The following ADAMTSL1 variants were observed in gnomAD, a reference collection of about 807,000 sequenced individuals.
ADAMTSL1 encodes the protein ADAMTS like 1.
In ADAMTSL1, 126 loss-of-function variants were observed where a neutral mutation model predicts 201.8. The ratio of observed to expected loss-of-function variants is 0.62; its 90% CI spans 0.54 to 0.72. ADAMTSL1 has a LOEUF of 0.72. Ranked by LOEUF, ADAMTSL1 falls within the 30% of genes least tolerant of loss-of-function variation. The probability of loss-of-function intolerance (pLI) is 0.00; values close to 1 mark genes in which losing one functional copy is unlikely to be tolerated. For missense variants in ADAMTSL1, 2,679 were observed against 2,277.8 expected (o/e 1.18, Z -3.59); for synonymous variants, 1,121 against 903.4 (o/e 1.24, Z -4.32).
At chr9:18,028,497 A>G (rs566208832) in intron 1 of ADAMTSL1, among the ~76,000 whole-genome samples, 1 of 152,188 alleles carries the variant, frequency 6.6e-6, no homozygotes, top group East Asian at 1.9e-4. Context: ...TGATAGCCTA[A>G]TGGGGTTCTC....
At chr9:18,591,215 T>C (rs1823893678) in intron 4 of ADAMTSL1, among the ~76,000 whole-genome samples, 1 of 152,330 alleles carries the variant, frequency 6.6e-6, no homozygotes, top group Admixed American at 6.5e-5. Context: ...GTTGGGTGCA[T>C]ATATATTTAC....
chr9:18,798,599 G>C (rs537504466), intron 20 of ADAMTSL1, among the ~76,000 whole-genome samples: 1 of 152,310 alleles, frequency 6.6e-6, no homozygotes, highest in African/African-American at 2.4e-5. Flanking sequence ...CTCTCTGAAT[G>C]TCTCAGTGTC....
chr9:18,054,254 T>G (rs566179495), intron 1 of ADAMTSL1, among the ~76,000 whole-genome samples: 4 of 152,196 alleles, frequency 2.6e-5, no homozygotes, highest in African/African-American at 7.2e-5. Flanking sequence ...AAGAATAAAT[T>G]TACACGCAAC....
At chr9:18,510,151 A>T (rs1236584697) in intron 2 of ADAMTSL1, among the ~76,000 whole-genome samples, 1 of 152,150 alleles carries the variant, frequency 6.6e-6, no homozygotes, top group Non-Finnish European at 1.5e-5. Flanking sequence ...AGGTCTGATT[A>T]TTTTTTCAAG....
intron 14 of ADAMTSL1, among the ~76,000 whole-genome samples, 196 bp from the exon 15 acceptor site, chr9:18,721,340 C>G (rs955292803): frequency 2.6e-5 from 4 of 152,156 alleles, no homozygotes; most frequent in African/African-American, 9.7e-5. Flanking sequence ...AGGCAACAAG[C>G]TTATGAATAC....
intron 2 of ADAMTSL1, among the ~76,000 whole-genome samples, chr9:18,221,698 T>A (rs1421815036): frequency 6.6e-6 from 1 of 152,196 alleles, no homozygotes; most frequent in African/African-American, 2.4e-5. Flanking sequence ...TGTTTATAAA[T>A]TTCCAAACAT....
intron 15 of ADAMTSL1, chr9:18,723,936 T>C (rs1360402367): frequency 6.6e-6 from 1 of 152,206 alleles, no homozygotes; most frequent in Non-Finnish European, 1.5e-5. Context: ...GTGTGTTGTT[T>C]TCCCACACAA....
At chr9:18,802,312 T>G (rs552001216) in intron 20 of ADAMTSL1, among the ~76,000 whole-genome samples, 1 of 152,162 alleles carries the variant, frequency 6.6e-6, no homozygotes, top group African/African-American at 2.4e-5. Context: ...ATCACCACAC[T>G]CAATTTTAGA....
chr9:18,314,921 C>T (rs1050837812), intron 2 of ADAMTSL1, among the ~76,000 whole-genome samples: 6 of 149,642 alleles, frequency 4.0e-5, no homozygotes, highest in East Asian at 4.0e-4. Flanking sequence ...CTCAGCCTCC[C>T]GAGTAGCTGG....
intron 24 of ADAMTSL1, 94 bp from the exon 25 acceptor site, chr9:18,889,474 C>A (rs1437058330): frequency 1.5e-6 from 2 of 1,366,672 alleles, no homozygotes; most frequent in Non-Finnish European, 2.0e-6. Context: ...ACAAATCCAC[C>A]CCTGTCACCT....
chr9:18,817,465 G>C (rs1009361423), intron 21 of ADAMTSL1, among the ~76,000 whole-genome samples: 2 of 152,208 alleles, frequency 1.3e-5, no homozygotes, highest in Non-Finnish European at 2.9e-5. Flanking sequence ...TTATGTGTAT[G>C]TTTTTCTTTA....
At chr9:18,718,587 G>A (rs1032774926) in intron 14 of ADAMTSL1, 4 of 422,778 alleles carry the variant, frequency 9.5e-6, no homozygotes, top group African/African-American at 6.1e-5. Flanking sequence ...CGCAGCCAGT[G>A]TCACTCCCTC....
At chr9:18,134,097 A>C (rs924574412) in intron 1 of ADAMTSL1, among the ~76,000 whole-genome samples, 2 of 152,186 alleles carry the variant, frequency 1.3e-5, no homozygotes, top group South Asian at 4.1e-4. Context: ...ATAAACTCCC[A>C]TTAAGCCATA....
chr9:18,327,558 A>G (rs1248289898), intron 2 of ADAMTSL1, among the ~76,000 whole-genome samples: 1 of 152,234 alleles, frequency 6.6e-6, no homozygotes, highest in Non-Finnish European at 1.5e-5. Flanking sequence ...TAGATACTAT[A>G]ATAGCAACAA....
intron 1 of ADAMTSL1, among the ~76,000 whole-genome samples, chr9:18,037,865 C>T (rs138844372): frequency 1.8e-4 from 27 of 152,162 alleles, no homozygotes; most frequent in South Asian, 8.3e-4. Context: ...ACAAATGGTG[C>T]GCAATTAAAA....
In ADAMTSL1 at chr9:18,777,177, G is replaced by C. The variant is rs569815791; in HGVS notation, c.2948G>C (p.Gly983Ala). The change falls in exon 19 of 29, where the codon GGG becomes GCG. Residue 983 changes from glycine to alanine, a missense_variant. Physicochemically the swap from Gly to Ala is moderately conservative, Grantham distance 60. Coordinates refer to ENST00000380548, the MANE Select transcript of ADAMTSL1 (RefSeq NM_001040272.6). Reference sequence around the variant, plus strand: ...AGAAGTGAGGAAGAGGTGCTTGCGGGGAGGAAGGGCGGCCCGAAGGAGGCC... The same window carrying C: ...AGAAGTGAGGAAGAGGTGCTTGCGGCGAGGAAGGGCGGCCCGAAGGAGGCC... ...SPRSEEEVLA[G>A]RKGGPKEALQ... is the part of the protein sequence containing the mutation. The C allele has an allele frequency of 5.6e-6, 9 of 1,612,902 alleles. No individual in the cohort carries two copies. The East Asian group carries it at 2.0e-4, about 36-fold the overall frequency.
chr9:18,526,572 G>A (rs1819068014), intron 2 of ADAMTSL1, among the ~76,000 whole-genome samples: 1 of 152,228 alleles, frequency 6.6e-6, no homozygotes, highest in Admixed American at 6.5e-5. Context: ...TGCAGTGGCT[G>A]TTGCCAGTTG....
chr9:18,404,885 T>C (rs1344454823), intron 2 of ADAMTSL1, among the ~76,000 whole-genome samples: 1 of 152,196 alleles, frequency 6.6e-6, no homozygotes, highest in Non-Finnish European at 1.5e-5. Context: ...TTCCAGGTTG[T>C]ATCTTGTTGT....
intron 1 of ADAMTSL1, among the ~76,000 whole-genome samples, chr9:17,947,531 A>C (rs903982174): frequency 6.6e-6 from 1 of 152,150 alleles, no homozygotes; most frequent in Admixed American, 6.6e-5. Flanking sequence ...AAACAAATAC[A>C]TTTATTTTCA....
Sources: gnomAD v4.1 joint callset for allele counts (sites outside exome capture counted in the v4.1 genomes callset) on GRCh38, gnomAD v4.1.1 for gene constraint, MANE v1.5 for transcripts, NCBI Gene and HGNC (gene_info 2026-07-23, HGNC 2026-07-21) for gene names.